The following SEC23A variants were observed in gnomAD, a reference collection of about 807,000 sequenced individuals.
SEC23A encodes protein transport protein Sec23A.
Under a neutral mutation model 103.7 loss-of-function variants are expected in SEC23A, and 56 were observed. The observed-to-expected ratio is 0.54, with a 90% CI of 0.44 to 0.67. SEC23A has a LOEUF of 0.67. SEC23A is among the 30% of genes least tolerant of loss of function. The pLI is 0.00. For synonymous variants in SEC23A, 281 were observed against 293.0 expected, an observed-to-expected ratio of 0.96 and a Z score of 0.42; for missense variants, 784 against 936.4, an observed-to-expected ratio of 0.84 and a Z score of 2.12.
intron 1 of SEC23A, among the ~76,000 whole-genome samples, chr14:39,098,734 A>G (rs546648023): frequency 4.2e-4 from 63 of 151,700 alleles, no homozygotes; most frequent in Non-Finnish European, 6.9e-4. Flanking sequence ...AGATCATGCC[A>G]CTGCACTCTA....
At chr14:39,066,794 C>T (rs772986399) in intron 10 of SEC23A, among the ~76,000 whole-genome samples, 4 of 152,018 alleles carry the variant, frequency 2.6e-5, no homozygotes, top group Non-Finnish European at 4.4e-5. Context: ...ACCCAGGAGG[C>T]GGAGGCTGCA....
At chr14:39,094,906 C>T in intron 2 of SEC23A, 1 of 661,786 alleles carries the variant, frequency 1.5e-6, no homozygotes, top group Non-Finnish European at 2.7e-6. Context: ...CTTTATAGAT[C>T]TTGATAAGGA....
At chr14:39,076,661 C>T (rs757230021) in intron 7 of SEC23A, among the ~76,000 whole-genome samples, 1 of 151,688 alleles carries the variant, frequency 6.6e-6, no homozygotes, top group Non-Finnish European at 1.5e-5. Flanking sequence ...CGTGGTGGCT[C>T]GCACTTGTAA....
At chr14:39,074,968 G>A (rs961417095) in intron 8 of SEC23A, among the ~76,000 whole-genome samples, 3 of 152,096 alleles carry the variant, frequency 2.0e-5, no homozygotes, top group Non-Finnish European at 2.9e-5. Flanking sequence ...TTAGCCGGGC[G>A]TGGTGGTGGG....
intron 18 of SEC23A, 143 bp downstream of exon 18, chr14:39,040,589 G>C (rs1885605084): frequency 3.9e-6 from 4 of 1,027,390 alleles, no homozygotes; most frequent in South Asian, 1.3e-5. Flanking sequence ...AATGCAAAAA[G>C]TAAGCACTGA....
At chr14:39,100,735 G>T (rs769392422) in intron 1 of SEC23A, among the ~76,000 whole-genome samples, 1 of 151,530 alleles carries the variant, frequency 6.6e-6, no homozygotes, top group Non-Finnish European at 1.5e-5. Flanking sequence ...TTCATAACAT[G>T]ATATTATTTG....
chr14:39,085,387 C>T (rs901859884), intron 7 of SEC23A, among the ~76,000 whole-genome samples: 1 of 151,900 alleles, frequency 6.6e-6, no homozygotes, highest in Non-Finnish European at 1.5e-5. Context: ...TTAATCAAAC[C>T]CAAGAGTGTC....
In SEC23A at chr14:39,092,886, C is replaced by T. The variant is rs377468910; in HGVS notation, c.280-259G>A. The T allele has an allele frequency of 2.0e-5, 10 of 494,198 alleles. 1 individual carries two copies. The highest frequency in any genetic ancestry group is 7.1e-5 in the Admixed American group (2 of 28,218). The allele number at this position is 494,198 out of a possible 1,614,324, so 30.6% of individuals were successfully genotyped here. A position where few individuals can be genotyped will look rare whatever the true frequency, so the allele number is the denominator to read the frequency against. Reference sequence around the variant, plus strand: ...TTGTTTTGTTTGTTTGTTTTTGAGACGGAGTCTTGCTCTGTTGCCCAGGCT... The same window carrying T: ...TTGTTTTGTTTGTTTGTTTTTGAGATGGAGTCTTGCTCTGTTGCCCAGGCT... On this transcript the variant is annotated intron_variant, in intron 3 of 19. Coordinates refer to ENST00000307712, the MANE Select transcript of SEC23A (RefSeq NM_006364.4).
intron 9 of SEC23A, among the ~76,000 whole-genome samples, chr14:39,068,605 C>T (rs907018007): frequency 1.1e-4 from 16 of 151,886 alleles, no homozygotes; most frequent in African/African-American, 3.9e-4. Context: ...TACATCCACA[C>T]AATGGAGTAA....
Position 39,085,784 on chromosome 14 carries a change from G to C in SEC23A, c.806C>G (p.Ser269Cys). 2.5e-6 allele frequency: 4 copies of C among 1,612,474 alleles called. No individual in the cohort carries two copies. The highest frequency in any genetic ancestry group is 3.4e-6 in the Non-Finnish European group (4 of 1,179,578). The change falls in exon 7 of 20, where the codon TCC becomes TGC. Residue 269 changes from serine to cysteine, a missense_variant. Physicochemically the swap from Ser to Cys is moderately radical, Grantham distance 112. Around this residue, in one of 2 missense-constraint regions of SEC23A, gnomAD observed 683 missense variants for 774.2 expected, o/e 0.88. Coordinates refer to ENST00000307712, the MANE Select transcript of SEC23A (RefSeq NM_006364.4). ...RPLRSSGVAL[S>C]IAVGLLECTF... ...TACCTCCAGCAGTCCTACAGCTATG[G>C]AAAGTGCCACCCCAGAGGAACGCAA...
intron 10 of SEC23A, among the ~76,000 whole-genome samples, chr14:39,066,290 T>C (rs908571553): frequency 6.6e-6 from 1 of 152,050 alleles, no homozygotes; most frequent in Non-Finnish European, 1.5e-5. Flanking sequence ...TAAAACAAGA[T>C]TAATAAATAT....
intron 14 of SEC23A, 94 bp downstream of exon 14, chr14:39,055,049 C>A: frequency 7.1e-7 from 1 of 1,416,954 alleles, no homozygotes; most frequent in Non-Finnish European, 9.9e-7. Context: ...ATTTCAGATA[C>A]ACTGTTAAGT....
At chr14:39,058,163 G>A (rs1406941055) in intron 13 of SEC23A, among the ~76,000 whole-genome samples, 1 of 152,088 alleles carries the variant, frequency 6.6e-6, no homozygotes, top group Non-Finnish European at 1.5e-5. Context: ...ATAGTGACTG[G>A]CCAGACATAC....
intron 14 of SEC23A, among the ~76,000 whole-genome samples, chr14:39,050,061 C>T (rs1886004896): frequency 6.6e-6 from 1 of 152,062 alleles, no homozygotes; most frequent in Admixed American, 6.5e-5. Flanking sequence ...AGCCACCGTG[C>T]CCGGCCAAAA....
intron 1 of SEC23A, among the ~76,000 whole-genome samples, chr14:39,097,989 T>G (rs187107892): frequency 1.3e-5 from 2 of 151,964 alleles, no homozygotes; most frequent in East Asian, 3.9e-4. Context: ...CTCAGGAGGC[T>G]GAGGCAGGAG....
At chr14:39,077,808 C>T (rs890300161) in intron 7 of SEC23A, among the ~76,000 whole-genome samples, 3 of 151,714 alleles carry the variant, frequency 2.0e-5, no homozygotes, top group African/African-American at 2.4e-5. Context: ...TAGTGCACAC[C>T]TGTAATCCCA....
chr14:39,088,038 T>C (rs915459107), intron 5 of SEC23A: 1 of 152,172 alleles, frequency 6.6e-6, no homozygotes, highest in South Asian at 2.1e-4. Context: ...GAGAATTTCA[T>C]ATTTAGTACT....
At position 39,091,552 on chromosome 14, in the gene SEC23A, A is replaced by G. The variant is rs1887662781; in HGVS notation, c.528T>C (p.His176=). ...TTGAAATGCCTTCACATCCAAGTTCATGAACCTGAACCATTCTCCCAAAAG... is the reference window on the plus strand; with the variant it reads ...TTGAAATGCCTTCACATCCAAGTTCGTGAACCTGAACCATTCTCCCAAAAG... ...LITFGRMVQV[H]ELGCEGISKS... Residue 176 remains histidine, a synonymous_variant, in exon 5 of 20, where the codon CAT becomes CAC. Transcript: ENST00000307712. The G allele has an allele frequency of 1.9e-6, 3 of 1,613,950 alleles. No homozygotes were observed. The highest frequency in any genetic ancestry group is 2.7e-5 in the African/African-American group (2 of 74,932).
intron 9 of SEC23A, among the ~76,000 whole-genome samples, chr14:39,072,239 A>G (rs1257810290): frequency 6.6e-6 from 1 of 152,206 alleles, no homozygotes; most frequent in African/African-American, 2.4e-5. Flanking sequence ...CTCAAAAAAA[A>G]AAAAGTGAGG....
Sources: gnomAD v4.1 joint callset for allele counts (sites outside exome capture counted in the v4.1 genomes callset) on GRCh38, gnomAD v4.1.1 for gene constraint, gnomAD v4.1.1 regional missense constraint, MANE v1.5 for transcripts, NCBI Gene and HGNC (gene_info 2026-07-23, HGNC 2026-07-21) for gene names.